The following SPOCK1 variants were observed in gnomAD, a reference collection of about 807,000 sequenced individuals.
SPOCK1 encodes testican-1.
SPOCK1 carries 23 observed loss-of-function variants against 55.3 expected under a neutral mutation model. That is an observed-to-expected ratio of 0.42 (90% CI 0.30 to 0.59). The LOEUF (loss-of-function observed/expected upper bound fraction) is 0.59, where lower values mean the gene tolerates loss of function less well. Ranked by LOEUF, SPOCK1 falls within the 20% of genes least tolerant of loss-of-function variation. SPOCK1 has a pLI of 0.22. For missense variants in SPOCK1, 499 were observed against 552.5 expected, an observed-to-expected ratio of 0.90 and a Z score of 0.97; for synonymous variants, 226 against 221.0, an observed-to-expected ratio of 1.02 and a Z score of -0.20.
intron 2 of SPOCK1, among the ~76,000 whole-genome samples, chr5:137,454,248 A>G (rs17783874): frequency 4.5e-4 from 68 of 152,082 alleles, no homozygotes; most frequent in Non-Finnish European, 9.0e-4. Flanking sequence ...TCAACAACAG[A>G]CAGAAAGCCA....
intron 5 of SPOCK1, among the ~76,000 whole-genome samples, chr5:137,105,318 A>G (rs921374520): frequency 6.6e-6 from 1 of 152,106 alleles, no homozygotes; most frequent in Non-Finnish European, 1.5e-5. Flanking sequence ...AAGTAAAGCC[A>G]ATTTTCAACC....
intron 3 of SPOCK1, among the ~76,000 whole-genome samples, chr5:137,176,692 A>G (rs78177581): frequency 6.6e-6 from 1 of 152,220 alleles, no homozygotes; most frequent in Non-Finnish European, 1.5e-5. Context: ...TGATGTTCTC[A>G]TCAATACAAA....
intron 2 of SPOCK1, among the ~76,000 whole-genome samples, chr5:137,347,045 A>G (rs891477964): frequency 2.0e-5 from 3 of 151,546 alleles, no homozygotes; most frequent in African/African-American, 7.3e-5. Context: ...GGCACCACTT[A>G]CCTCCCCTGC....
intron 2 of SPOCK1, among the ~76,000 whole-genome samples, chr5:137,471,712 G>A (rs930273952): frequency 2.0e-5 from 3 of 152,146 alleles, no homozygotes; most frequent in African/African-American, 7.2e-5. Context: ...GCAGTCAGCA[G>A]ATCAGACCCA....
At chr5:137,435,770 A>G (rs568462732) in intron 2 of SPOCK1, among the ~76,000 whole-genome samples, 9 of 152,022 alleles carry the variant, frequency 5.9e-5, no homozygotes, top group African/African-American at 2.2e-4. Context: ...TATTAACAAA[A>G]TTAATGCTTT....
At chr5:137,273,427 C>T in intron 2 of SPOCK1, 3 of 957,980 alleles carry the variant, frequency 3.1e-6, no homozygotes, top group Non-Finnish European at 3.7e-6. Context: ...ATAAAAGAAT[C>T]ACATCAAACA....
chr5:137,115,428 A>T (rs1753559915), intron 4 of SPOCK1, among the ~76,000 whole-genome samples: 2 of 151,976 alleles, frequency 1.3e-5, no homozygotes, highest in South Asian at 2.1e-4. Flanking sequence ...TCAATCTGGG[A>T]CTATTTTCAT....
intron 5 of SPOCK1, among the ~76,000 whole-genome samples, chr5:137,076,641 G>A (rs115077498): frequency 0.024 from 3,688 of 150,932 alleles, 170 homozygotes; most frequent in African/African-American, 0.086. Flanking sequence ...ATGGTTGACG[G>A]GTAGCCAAAG....
intron 3 of SPOCK1, among the ~76,000 whole-genome samples, chr5:137,202,069 C>T (rs17171071): frequency 0.044 from 6,762 of 152,234 alleles, 492 homozygotes; most frequent in African/African-American, 0.15. Flanking sequence ...AGGAACAATA[C>T]GTGGCCAACC....
chr5:137,284,167 A>G (rs1207867689), intron 2 of SPOCK1, among the ~76,000 whole-genome samples: 2 of 152,214 alleles, frequency 1.3e-5, no homozygotes, highest in African/African-American at 4.8e-5. Flanking sequence ...GGCAGGAAAC[A>G]CAAGAGCCAG....
chr5:137,349,194 T>C (rs1750625627), intron 2 of SPOCK1, among the ~76,000 whole-genome samples: 1 of 152,232 alleles, frequency 6.6e-6, no homozygotes, highest in Admixed American at 6.5e-5. Context: ...CAATAGTTTC[T>C]CTCAGGAAAC....
intron 7 of SPOCK1, 187 bp from the exon 8 acceptor site, chr5:136,988,830 G>A: frequency 3.8e-6 from 2 of 521,194 alleles, no homozygotes; most frequent in Non-Finnish European, 6.6e-6. Context: ...TTGTTTTTAA[G>A]TGAAATGGTT....
intron 2 of SPOCK1, among the ~76,000 whole-genome samples, chr5:137,312,385 G>A (rs536990984): frequency 6.6e-6 from 1 of 152,326 alleles, no homozygotes; most frequent in African/African-American, 2.4e-5. Flanking sequence ...ACTCAAATGA[G>A]AGAGACCTCC....
intron 2 of SPOCK1, among the ~76,000 whole-genome samples, chr5:137,460,530 C>T (rs1339080067): frequency 1.3e-5 from 2 of 152,162 alleles, no homozygotes; most frequent in Non-Finnish European, 2.9e-5. Flanking sequence ...GGTCCAGCAG[C>T]CAGCAGATGC....
Position 137,174,968 on chromosome 5 carries a change from AG to A in SPOCK1, c.233-34275del, listed in dbSNP as rs984591682. 2.8e-4 allele frequency among the ~76,000 whole-genome samples: 43 copies of A among 152,316 alleles called. 1 individual carries two copies. In the South Asian group the frequency reaches 5.0e-3, roughly 18 times the overall value. ...CCACCACCTTCTTGATGTTCTGTGT[AG>A]CATTACAGGCCCAAACCCATGTACC... On this transcript the variant is annotated intron_variant, in intron 3 of 10. Coordinates refer to ENST00000394945, the MANE Select transcript of SPOCK1 (RefSeq NM_004598.4).
chr5:137,434,517 G>C (rs1217820083), intron 2 of SPOCK1, among the ~76,000 whole-genome samples: 1 of 97,180 alleles, frequency 1.0e-5, no homozygotes, highest in Non-Finnish European at 1.9e-5. Flanking sequence ...TTTTGAGATG[G>C]AGTCTCGCTC....
At chr5:137,398,737 T>C (rs1192855026) in intron 2 of SPOCK1, among the ~76,000 whole-genome samples, 2 of 152,234 alleles carry the variant, frequency 1.3e-5, no homozygotes, top group Admixed American at 1.3e-4. Flanking sequence ...ATTTCCATAA[T>C]TTCTTCCTAG....
chr5:137,454,805 C>T (rs184041854), intron 2 of SPOCK1, among the ~76,000 whole-genome samples: 27 of 152,278 alleles, frequency 1.8e-4, no homozygotes, highest in Admixed American at 1.6e-3. Context: ...AGCTCTTATA[C>T]AATCCAAGAC....
intron 2 of SPOCK1, among the ~76,000 whole-genome samples, chr5:137,379,561 C>A (rs1240680779): frequency 8.1e-6 from 1 of 123,624 alleles, no homozygotes; most frequent in Non-Finnish European, 1.6e-5. Flanking sequence ...TCCTAAACAC[C>A]CTGCAAATGC....
Sources: gnomAD v4.1 joint callset for allele counts (sites outside exome capture counted in the v4.1 genomes callset) on GRCh38, gnomAD v4.1.1 for gene constraint, MANE v1.5 for transcripts, NCBI Gene and HGNC (gene_info 2026-07-23, HGNC 2026-07-21) for gene names.